Variants in AGBL1 observed in about 807,000 individuals in gnomAD.
AGBL1 encodes the protein AGBL carboxypeptidase 1.
In AGBL1, 130 loss-of-function variants were observed where a neutral mutation model predicts 118.9. That is an observed-to-expected ratio of 1.09 (90% CI 0.95 to 1.26). The LOEUF (loss-of-function observed/expected upper bound fraction) is 1.26. Among genes scored for constraint, AGBL1 ranks in the 50% most tolerant of loss-of-function variants. The probability of loss-of-function intolerance (pLI) is 0.00; values close to 1 mark genes in which losing one functional copy is unlikely to be tolerated. For synonymous variants in AGBL1, 555 were observed against 478.9 expected (o/e 1.16, Z -2.08); for missense variants, 1,584 against 1,298.1 (o/e 1.22, Z -3.38).
rs576431694 is a variant in AGBL1, at chr15:86,297,744, T to C, written c.2374+2336T>C. ...ATTTCAGGACCCCTTATTTTACAGA[T>C]GGGGTAAGTGGAGCTCAGAAAGGTT... On this transcript the variant is annotated intron_variant, in intron 17 of 22. Coordinates refer to ENST00000614907, the MANE Select transcript of AGBL1 (RefSeq NM_001386094.1). 5.3e-5 allele frequency among the ~76,000 whole-genome samples: 8 copies of C among 152,306 alleles called. No individual in the cohort carries two copies. The East Asian group carries it at 1.5e-3, about 29-fold the overall frequency.
chr15:86,523,023 A>C, intron 19 of AGBL1, 84 bp downstream of exon 19: 9 of 1,499,964 alleles, frequency 6.0e-6, no homozygotes, highest in Non-Finnish European at 8.3e-6. Context: ...CAAGGCAAGA[A>C]TAGACAATGA....
At chr15:86,096,263 G>T (rs1312354496) in intron 1 of AGBL1, among the ~76,000 whole-genome samples, 1 of 152,120 alleles carries the variant, frequency 6.6e-6, no homozygotes, top group African/African-American at 2.4e-5. Flanking sequence ...CAGTCTCTGA[G>T]CCTCAGGTCT....
At chr15:86,592,219 T>G (rs1210352399) in intron 21 of AGBL1, among the ~76,000 whole-genome samples, 2 of 152,192 alleles carry the variant, frequency 1.3e-5, no homozygotes, top group Admixed American at 1.3e-4. Context: ...TGGGGCCACG[T>G]AAATGTCCTA....
chr15:86,706,598 G>A lies in AGBL1; in HGVS notation c.3158+32162G>A, dbSNP rs528027857. On this transcript the variant is annotated intron_variant, in intron 22 of 22. Coordinates refer to ENST00000614907, the MANE Select transcript of AGBL1 (RefSeq NM_001386094.1). ...TAGTAATCACAATTCCCTAAGGCTC[G>A]CGATTTGTTTTATAAGAAAAAGCTA... 6.2e-4 allele frequency among the ~76,000 whole-genome samples: 94 copies of A among 152,152 alleles called. 1 individual carries two copies. Among genetic ancestry groups the A allele is most frequent in the African/African-American group, 2.0e-3 (82 of 41,516 alleles).
chr15:86,541,461 G>A (rs772880847), intron 19 of AGBL1, among the ~76,000 whole-genome samples: 5 of 152,028 alleles, frequency 3.3e-5, no homozygotes, highest in Non-Finnish European at 5.9e-5. Flanking sequence ...GTATGGTGTC[G>A]CTTGCCTGTA....
chr15:86,361,452 G>C (rs1322118365), intron 17 of AGBL1, among the ~76,000 whole-genome samples: 1 of 151,990 alleles, frequency 6.6e-6, no homozygotes, highest in Non-Finnish European at 1.5e-5. Flanking sequence ...GTATATTTCT[G>C]TTAGGTTCAT....
chr15:87,024,394 C>T (rs1436770239), intron 24 of AGBL1, among the ~76,000 whole-genome samples: 1 of 151,982 alleles, frequency 6.6e-6, no homozygotes, highest in East Asian at 1.9e-4. Context: ...TGGATAAACT[C>T]CTGGAAAGAT....
At chr15:86,837,057 C>T (rs1246212495) in intron 22 of AGBL1, among the ~76,000 whole-genome samples, 1 of 152,174 alleles carries the variant, frequency 6.6e-6, no homozygotes, top group Non-Finnish European at 1.5e-5. Flanking sequence ...GACAGCCACA[C>T]ACACTCCTTT....
chr15:86,214,157 G>A (rs78908037), intron 5 of AGBL1, among the ~76,000 whole-genome samples: 1,938 of 152,324 alleles, frequency 0.013, 26 homozygotes, highest in East Asian at 0.07. Flanking sequence ...TCTTCAATGT[G>A]CTCTTTAACT....
intron 17 of AGBL1, among the ~76,000 whole-genome samples, chr15:86,388,462 G>A (rs2081229530): frequency 6.6e-6 from 1 of 152,094 alleles, no homozygotes; most frequent in South Asian, 2.1e-4. Flanking sequence ...CATTGCCATT[G>A]ATAATCATTA....
intron 22 of AGBL1, among the ~76,000 whole-genome samples, chr15:86,905,056 A>C (rs1356527545): frequency 6.6e-6 from 1 of 152,258 alleles, no homozygotes; most frequent in Non-Finnish European, 1.5e-5. Flanking sequence ...TTATCAAAAT[A>C]GTCATTTCAT....
intron 21 of AGBL1, among the ~76,000 whole-genome samples, chr15:86,659,915 G>C (rs752710544): frequency 6.6e-6 from 1 of 152,062 alleles, no homozygotes; most frequent in Non-Finnish European, 1.5e-5. Flanking sequence ...CAGTCTGACA[G>C]TGCTCAGGTC....
At chr15:86,431,379 C>G (rs960908829) in intron 18 of AGBL1, among the ~76,000 whole-genome samples, 4 of 152,210 alleles carry the variant, frequency 2.6e-5, no homozygotes, top group African/African-American at 9.7e-5. Flanking sequence ...TACACGTGGA[C>G]AGCTAAGCAC....
intron 5 of AGBL1, among the ~76,000 whole-genome samples, chr15:86,180,509 TAAAC>T (rs2077537829): frequency 1.3e-5 from 2 of 152,196 alleles, no homozygotes; most frequent in East Asian, 3.9e-4. Context: ...CTTTACAACA[TAAAC>T]AAAGATGAAT....
intron 3 of AGBL1, among the ~76,000 whole-genome samples, chr15:86,149,314 T>A (rs1418175278): frequency 6.6e-6 from 1 of 152,182 alleles, no homozygotes. Flanking sequence ...AATGCTCCAA[T>A]TAAAAGACAC....
intron 21 of AGBL1, among the ~76,000 whole-genome samples, chr15:86,612,689 T>G (rs2084673769): frequency 6.6e-6 from 1 of 152,210 alleles, no homozygotes; most frequent in African/African-American, 2.4e-5. Context: ...CAAAGCTGTC[T>G]CTTGTGGGGA....
chr15:86,980,885 CTTTTTT>C (rs36077192), intron 23 of AGBL1, among the ~76,000 whole-genome samples: 2 of 118,984 alleles, frequency 1.7e-5, no homozygotes, highest in Admixed American at 9.4e-5. Context: ...CAGAAACATC[CTTTTTT>C]TTTTTTTTTT....
At chr15:86,670,384 A>G (rs1275166846) in intron 21 of AGBL1, among the ~76,000 whole-genome samples, 1 of 151,818 alleles carries the variant, frequency 6.6e-6, no homozygotes, top group African/African-American at 2.4e-5. Flanking sequence ...CAGGCAGATC[A>G]CCTGAGGTCA....
intron 22 of AGBL1, among the ~76,000 whole-genome samples, chr15:86,792,853 A>T (rs75232562): frequency 0.042 from 6,365 of 152,222 alleles, 296 homozygotes; most frequent in South Asian, 0.11. Flanking sequence ...TAGAGAAGTC[A>T]AAGCTATATC....
Sources: gnomAD v4.1 joint callset for allele counts (sites outside exome capture counted in the v4.1 genomes callset) on GRCh38, gnomAD v4.1.1 for gene constraint, MANE v1.5 for transcripts, NCBI Gene and HGNC (gene_info 2026-07-23, HGNC 2026-07-21) for gene names.